The following IDO2 variants were observed in gnomAD, a reference collection of about 807,000 sequenced individuals.
IDO2 encodes the protein indoleamine 2,3-dioxygenase-like 1 protein.
IDO2 carries 46 observed loss-of-function variants against 45.1 expected under a neutral mutation model. That is an observed-to-expected ratio of 1.02 (90% CI 0.80 to 1.30). The LOEUF is 1.30. IDO2 is among the 50% of genes most tolerant of loss of function. The pLI is 0.00. For synonymous variants in IDO2, 218 were observed against 184.9 expected (o/e 1.18, Z -1.45); for missense variants, 544 against 491.8 (o/e 1.11, Z -1.00).
chr8:39,996,265 C>T (rs968678140), intron 8 of IDO2, among the ~76,000 whole-genome samples: 1 of 152,174 alleles, frequency 6.6e-6, no homozygotes, highest in Non-Finnish European at 1.5e-5. Context: ...TCAGCGGTCA[C>T]GCTCCTAGTC....
In IDO2 at chr8:39,989,765, G is replaced by A. The variant is rs1163866956; in HGVS notation, c.594G>A (p.Glu198=). Reference sequence around the variant, plus strand: ...ATGCTATCTTGCAGCCCAACCAGGAGGCCCTGCTCCAAGCCCTGCAGCGAC... The same window carrying A: ...ATGCTATCTTGCAGCCCAACCAGGAAGCCCTGCTCCAAGCCCTGCAGCGAC... The change falls in exon 8 of 11, where the codon GAG becomes GAA. Residue 198 remains glutamate, a synonymous_variant. Transcript: ENST00000502986. 3 of 1,604,218 alleles carry A rather than the reference G, an allele frequency of 1.9e-6. No individual in the cohort carries two copies. The South Asian group carries it at 3.4e-5, about 18-fold the overall frequency.
At chr8:39,956,774 C>T (rs1016339891) in intron 2 of IDO2, among the ~76,000 whole-genome samples, 6 of 152,134 alleles carry the variant, frequency 3.9e-5, no homozygotes, top group East Asian at 1.9e-4. Flanking sequence ...TGGATGGATG[C>T]GGTGGCTCAC....
At chr8:40,005,146 G>A (rs981172095) in intron 8 of IDO2, among the ~76,000 whole-genome samples, 181 bp from the exon 9 acceptor site, 12 of 152,292 alleles carry the variant, frequency 7.9e-5, no homozygotes, top group African/African-American at 2.9e-4. Context: ...GAAGTTCCGG[G>A]AGCACCCATG....
exon 1 of IDO2, chr8:39,935,115 A>C: frequency 1.8e-6 from 2 of 1,131,692 alleles, no homozygotes. Flanking sequence ...ATAATACAGA[A>C]GGCAATGGAC....
chr8:39,975,667 A>G (rs1238818184), intron 3 of IDO2, among the ~76,000 whole-genome samples: 1 of 152,184 alleles, frequency 6.6e-6, no homozygotes, highest in African/African-American at 2.4e-5. Context: ...TGAATCTTTT[A>G]TTCACTGTGG....
intron 8 of IDO2, among the ~76,000 whole-genome samples, chr8:40,000,455 T>A (rs1563439944): frequency 6.6e-6 from 1 of 152,140 alleles, no homozygotes; most frequent in South Asian, 2.1e-4. Flanking sequence ...TCATGATATA[T>A]TATTTTGTTT....
intron 8 of IDO2, among the ~76,000 whole-genome samples, chr8:39,999,111 T>C (rs1420570737): frequency 1.3e-5 from 2 of 152,148 alleles, no homozygotes; most frequent in Non-Finnish European, 2.9e-5. Context: ...TATATTCTTT[T>C]AGATGTTGAA....
intron 2 of IDO2, among the ~76,000 whole-genome samples, chr8:39,958,792 A>G (rs1807943529): frequency 6.6e-6 from 1 of 151,252 alleles, no homozygotes; most frequent in African/African-American, 2.4e-5. Flanking sequence ...TAATTTTCCT[A>G]TGCTACTTTC....
At chr8:39,955,645 AGAC>A (rs2129593572) in intron 2 of IDO2, among the ~76,000 whole-genome samples, 1 of 152,240 alleles carries the variant, frequency 6.6e-6, no homozygotes, top group Non-Finnish European at 1.5e-5. Context: ...TCTGAAGCTT[AGAC>A]TCGAATCTAC....
chr8:39,960,344 A>G (rs1044808322), intron 2 of IDO2, among the ~76,000 whole-genome samples: 14 of 152,186 alleles, frequency 9.2e-5, no homozygotes, highest in Non-Finnish European at 4.4e-5. Context: ...TGCTGCAAGG[A>G]CAGACATTCC....
intron 1 of IDO2, among the ~76,000 whole-genome samples, chr8:39,937,538 T>G (rs1807575934): frequency 6.6e-6 from 1 of 151,718 alleles, no homozygotes; most frequent in Non-Finnish European, 1.5e-5. Flanking sequence ...TTTTTTTTTT[T>G]GAGACAAGGT....
chr8:39,944,550 C>T (rs923129807), intron 1 of IDO2, among the ~76,000 whole-genome samples: 4 of 152,152 alleles, frequency 2.6e-5, no homozygotes, highest in Admixed American at 1.3e-4. Flanking sequence ...CCCAGCACAT[C>T]CAGGAATGCA....
intron 3 of IDO2, among the ~76,000 whole-genome samples, chr8:39,977,719 A>G (rs1808283507): frequency 6.6e-6 from 1 of 151,958 alleles, no homozygotes; most frequent in Admixed American, 6.6e-5. Flanking sequence ...GTAACATCTC[A>G]ACAGTACTCC....
chr8:40,013,442 C>T lies in IDO2; in HGVS notation c.720-123C>T, dbSNP rs570267545. On this transcript the variant is annotated intron_variant, in intron 9 of 10. Transcript: ENST00000502986. ...TTACCCTACAAAGATACCCCCAATC[C>T]CTCACCCTAAAATTACCATTGAAAT... 18 of 929,720 alleles carry T rather than the reference C, an allele frequency of 1.9e-5. No homozygotes were observed. The South Asian group carries it at 2.5e-4, about 13-fold the overall frequency. 57.6% of individuals were successfully genotyped at this position (929,720 alleles called of 1,614,324 possible). A position where few individuals can be genotyped will look rare whatever the true frequency, so the allele number is the denominator to read the frequency against.
exon 9 of IDO2, chr8:40,005,364 G>A: frequency 1.3e-6 from 2 of 1,570,594 alleles, no homozygotes; most frequent in Non-Finnish European, 1.7e-6. Context: ...CAGGCATCCG[G>A]ATCTTTCTCT....
intron 3 of IDO2, among the ~76,000 whole-genome samples, chr8:39,967,460 T>C (rs1037631041): frequency 4.6e-5 from 7 of 152,176 alleles, no homozygotes; most frequent in Non-Finnish European, 1.5e-5. Context: ...TACGACTGTT[T>C]ACCTGTAATG....
At chr8:39,990,973 A>G (rs1044465005) in intron 8 of IDO2, among the ~76,000 whole-genome samples, 10 of 152,184 alleles carry the variant, frequency 6.6e-5, no homozygotes, top group Non-Finnish European at 1.3e-4. Flanking sequence ...ACAAGAGAAT[A>G]TCAGAGTCTA....
At chr8:39,982,120 G>A (rs955582553) in intron 4 of IDO2, among the ~76,000 whole-genome samples, 3 of 151,660 alleles carry the variant, frequency 2.0e-5, no homozygotes, top group African/African-American at 7.3e-5. Flanking sequence ...TCTATGAGTC[G>A]GTCAATCAAT....
intron 3 of IDO2, among the ~76,000 whole-genome samples, chr8:39,965,613 AG>A (rs370567997): frequency 2.0e-5 from 3 of 152,210 alleles, no homozygotes; most frequent in African/African-American, 7.2e-5. Flanking sequence ...ATTTGGAAAT[AG>A]GGTGTGTACA....
Sources: gnomAD v4.1 joint callset for allele counts (sites outside exome capture counted in the v4.1 genomes callset) on GRCh38, gnomAD v4.1.1 for gene constraint, MANE v1.5 for transcripts, NCBI Gene and HGNC (gene_info 2026-07-23, HGNC 2026-07-21) for gene names.